GRM5: variants seen among roughly 807,000 people sequenced by gnomAD.
The protein encoded by GRM5 is metabotropic glutamate receptor 5.
Under a neutral mutation model 83.1 loss-of-function variants are expected in GRM5, and 19 were observed. The ratio of observed to expected loss-of-function variants is 0.23; its 90% confidence interval spans 0.16 to 0.34. GRM5 has a LOEUF of 0.34. Ranked by LOEUF, GRM5 falls within the 10% of genes least tolerant of loss-of-function variation. The probability of loss-of-function intolerance (pLI) is 1.00; values close to 1 mark genes in which losing one functional copy is unlikely to be tolerated. For missense variants in GRM5, 1,160 were observed against 1,588.3 expected (o/e 0.73, Z 4.58); for synonymous variants, 675 against 633.6 (o/e 1.07, Z -0.98).
chr11:88,927,254 T>A (rs994636282), intron 2 of GRM5, among the ~76,000 whole-genome samples: 2 of 152,086 alleles, frequency 1.3e-5, no homozygotes, highest in African/African-American at 4.8e-5. Context: ...TATTTACACG[T>A]AGCCAAATAC....
intron 2 of GRM5, among the ~76,000 whole-genome samples, chr11:88,931,479 G>A (rs1476888748): frequency 6.6e-6 from 1 of 150,828 alleles, no homozygotes; most frequent in African/African-American, 2.4e-5. Flanking sequence ...GATTAAGGAA[G>A]GTGCAAACAG....
At chr11:88,933,994 A>G (rs1453410966) in intron 2 of GRM5, among the ~76,000 whole-genome samples, 30 of 151,780 alleles carry the variant, frequency 2.0e-4, no homozygotes, top group Non-Finnish European at 3.5e-4. Context: ...AGGACAGATA[A>G]TAAGATCTGT....
intron 3 of GRM5, among the ~76,000 whole-genome samples, chr11:88,691,293 T>C (rs11020967): frequency 0.024 from 3,668 of 152,320 alleles, 130 homozygotes; most frequent in African/African-American, 0.082. Flanking sequence ...AATTTAATTA[T>C]TGTATTTATC....
intron 4 of GRM5, among the ~76,000 whole-genome samples, chr11:88,605,383 G>A (rs1230135809): frequency 6.6e-6 from 1 of 150,544 alleles, no homozygotes; most frequent in Non-Finnish European, 1.5e-5. Flanking sequence ...TCTCTTACCT[G>A]GCGATACTAG....
Position 88,581,777 on chromosome 11 carries a change from G to C in GRM5, c.1690+8824C>G, listed in dbSNP as rs149108383. 7.3e-3 allele frequency among the ~76,000 whole-genome samples: 1,116 copies of C among 152,224 alleles called. 11 individuals are homozygous for C. The highest frequency in any genetic ancestry group is 0.026 in the African/African-American group (1,078 of 41,534). On this transcript the variant is annotated intron_variant, in intron 7 of 9. Transcript: ENST00000305447. ...ATAATAGAGGCTTTGATGAAAAAGC[G>C]ACCGTGAAATGGTGGTGTACTTGCT...
intron 2 of GRM5, among the ~76,000 whole-genome samples, chr11:89,002,387 T>A (rs1469404279): frequency 1.3e-5 from 2 of 152,112 alleles, no homozygotes; most frequent in African/African-American, 4.8e-5. Context: ...CACAGAAGAA[T>A]CCTGTTTGGG....
At chr11:88,904,053 G>A (rs1479422066) in intron 2 of GRM5, among the ~76,000 whole-genome samples, 3 of 152,098 alleles carry the variant, frequency 2.0e-5, no homozygotes, top group Non-Finnish European at 2.9e-5. Context: ...AAAGGGTCTC[G>A]AGATAGATTC....
chr11:88,738,437 G>C (rs974945160), intron 3 of GRM5, among the ~76,000 whole-genome samples: 2 of 151,938 alleles, frequency 1.3e-5, no homozygotes, highest in African/African-American at 2.4e-5. Flanking sequence ...ATCTATTGTA[G>C]GAAAAGCTGG....
chr11:88,551,597 A>T (rs1309305217), intron 8 of GRM5, among the ~76,000 whole-genome samples: 2 of 152,148 alleles, frequency 1.3e-5, no homozygotes, highest in Non-Finnish European at 2.9e-5. Flanking sequence ...CTTTAGAGAA[A>T]TTGATACATT....
rs1942517610 is a variant in GRM5 at position 88,551,873 on chromosome 11, C to T, written c.2630+15180G>A. 2.6e-5 allele frequency among the ~76,000 whole-genome samples: 4 copies of T among 152,122 alleles called. No homozygotes were observed. The South Asian group carries it at 6.2e-4, about 24-fold the overall frequency. On this transcript the variant is annotated intron_variant, in intron 8 of 9. Coordinates refer to ENST00000305447, the MANE Select transcript of GRM5 (RefSeq NM_001143831.3). ...AAGAATTAACACTGGAAGCAGAACTCATTGAATTGTAAAGGTATTTTCACT... is the reference window on the plus strand; with the variant it reads ...AAGAATTAACACTGGAAGCAGAACTTATTGAATTGTAAAGGTATTTTCACT...
intron 2 of GRM5, among the ~76,000 whole-genome samples, chr11:88,857,957 C>T (rs1001623566): frequency 1.3e-5 from 2 of 152,048 alleles, no homozygotes; most frequent in African/African-American, 4.8e-5. Flanking sequence ...AAAAAGTTAT[C>T]ATTATCATGC....
intron 2 of GRM5, among the ~76,000 whole-genome samples, chr11:88,855,351 C>A (rs1181443316): frequency 2.1e-4 from 32 of 151,738 alleles, no homozygotes; most frequent in Admixed American, 2.0e-3. Flanking sequence ...CCCACATATT[C>A]TCATTTATTT....
intron 9 of GRM5, among the ~76,000 whole-genome samples, chr11:88,516,189 T>C (rs1379480973): frequency 6.6e-6 from 1 of 152,218 alleles, no homozygotes; most frequent in Non-Finnish European, 1.5e-5. Context: ...ATCTTGAATG[T>C]TTGATATTGA....
At chr11:88,976,918 ATAAT>A (rs1451002738) in intron 2 of GRM5, among the ~76,000 whole-genome samples, 1 of 151,922 alleles carries the variant, frequency 6.6e-6, no homozygotes, top group African/African-American at 2.4e-5. Flanking sequence ...TTCCCCTTAA[ATAAT>A]ACTGTTGGAA....
At chr11:88,898,095 C>T (rs1273056236) in intron 2 of GRM5, among the ~76,000 whole-genome samples, 1 of 151,924 alleles carries the variant, frequency 6.6e-6, no homozygotes, top group African/African-American at 2.4e-5. Flanking sequence ...CTCTTTCCAG[C>T]TTCTGAGGGT....
intron 9 of GRM5, chr11:88,522,975 T>A (rs150575785): frequency 2.0e-5 from 3 of 152,312 alleles, no homozygotes; most frequent in African/African-American, 4.8e-5. Flanking sequence ...CTGGTATGTT[T>A]ATCTGGGATC....
At chr11:88,730,455 T>C (rs1235244490) in intron 3 of GRM5, among the ~76,000 whole-genome samples, 2 of 152,114 alleles carry the variant, frequency 1.3e-5, no homozygotes. Flanking sequence ...TGGAAGACAG[T>C]GTGGCAATTC....
At chr11:88,671,350 G>A (rs1940188840) in intron 3 of GRM5, among the ~76,000 whole-genome samples, 1 of 152,042 alleles carries the variant, frequency 6.6e-6, no homozygotes, top group Non-Finnish European at 1.5e-5. Flanking sequence ...TATACTCTTA[G>A]TCTGTAAGAG....
intron 3 of GRM5, among the ~76,000 whole-genome samples, chr11:88,727,130 G>T (rs1166029054): frequency 1.3e-5 from 2 of 152,188 alleles, no homozygotes; most frequent in Non-Finnish European, 2.9e-5. Flanking sequence ...TCAGTGTGCT[G>T]TATTCAGGAG....
Sources: gnomAD v4.1 joint callset for allele counts (sites outside exome capture counted in the v4.1 genomes callset) on GRCh38, gnomAD v4.1.1 for gene constraint, MANE v1.5 for transcripts, NCBI Gene and HGNC (gene_info 2026-07-23, HGNC 2026-07-21) for gene names.